Variants in ARPC4 observed in about 807,000 individuals in gnomAD.
The protein encoded by ARPC4 is actin-related protein 2/3 complex subunit 4.
Under a neutral mutation model 22.8 loss-of-function variants are expected in ARPC4, and 3 were observed. The observed-to-expected ratio is 0.13, with a 90% CI of 0.06 to 0.34. The LOEUF is 0.34. Among genes scored for constraint, ARPC4 ranks in the 10% least tolerant of loss-of-function variants. ARPC4 has a pLI of 1.00. For synonymous variants in ARPC4, 80 were observed against 72.5 expected (o/e 1.10, Z -0.52); for missense variants, 98 against 211.0 (o/e 0.46, Z 3.32).
chr3:9,806,369 G>C lies in ARPC4; in HGVS notation c.*154G>C, dbSNP rs2079107135. The C allele has an allele frequency of 1.1e-6, 1 of 886,936 alleles. No individual in the cohort carries two copies. The highest frequency in any genetic ancestry group is 1.9e-6 in the Non-Finnish European group (1 of 536,550). 54.9% of individuals were successfully genotyped at this position (886,936 alleles called of 1,614,324 possible). A position where few individuals can be genotyped will look rare whatever the true frequency, so the allele number is the denominator to read the frequency against. On this transcript the variant is annotated 3_prime_UTR_variant, in exon 6 of 6. Coordinates refer to ENST00000397261, the MANE Select transcript of ARPC4 (RefSeq NM_005718.5). ...AGGTGGGTGGTGTGCTTGCTAGCTG[G>C]GCAAGAAAGCAGCAGTGGACCTGCC...
chr3:9,806,101 T>C, intron 5 of ARPC4, 109 bp from the exon 6 acceptor site: 1 of 1,321,308 alleles, frequency 7.6e-7, no homozygotes, highest in Non-Finnish European at 1.1e-6. Context: ...ACTCTGCCCC[T>C]CACAGATATG....
intron 4 of ARPC4, chr3:9,803,518 T>A (rs1415066429): frequency 6.1e-6 from 3 of 492,604 alleles, no homozygotes; most frequent in Non-Finnish European, 1.2e-5. Context: ...GACTAAATGT[T>A]CCCTGTTGTT....
chr3:9,793,651 C>G lies in ARPC4; in HGVS notation c.3+527C>G, dbSNP rs73113571. On this transcript the variant is annotated intron_variant, in intron 1 of 5. Transcript: ENST00000397261. ...CGTGTTGCTTCCATTCAGGCCCTTC[C>G]TGGTCAGAACTGAACTGTGTCAGCC... Among the ~76,000 whole-genome samples the G allele has an allele frequency of 4.3e-3, 653 of 152,314 alleles. 4 individuals carry two copies. Among genetic ancestry groups the G allele is most frequent in the African/African-American group, 0.015 (620 of 41,570 alleles).
upstream of ARPC4, chr3:9,792,670 G>C: frequency 8.1e-7 from 1 of 1,232,906 alleles, no homozygotes; most frequent in Middle Eastern, 3.1e-4. Flanking sequence ...AGATCTCCGC[G>C]CTGCAGTTAG....
chr3:9,799,744 GTTTCAGATTTTGGA>G, intron 2 of ARPC4: 1 of 421,094 alleles, frequency 2.4e-6, no homozygotes, highest in Non-Finnish European at 4.8e-6. Flanking sequence ...TGCCCAGCCA[GTTTCAGATTTTGGA>G]TTTCAGATTT....
At chr3:9,792,968 A>C, upstream of ARPC4, 14 of 1,420,840 alleles carry the variant, frequency 9.9e-6, no homozygotes, top group Non-Finnish European at 1.3e-5. Flanking sequence ...CGGAAGGCCC[A>C]AGCGTTCGTA....
chr3:9,793,180 G>C, intron 1 of ARPC4, 56 bp downstream of exon 1: 1 of 1,522,280 alleles, frequency 6.6e-7, no homozygotes, highest in Non-Finnish European at 8.8e-7. Flanking sequence ...TCAGGGCAGT[G>C]GGTCGGTGGG....
chr3:9,796,610 T>G (rs528822968), intron 1 of ARPC4, among the ~76,000 whole-genome samples: 70 of 152,228 alleles, frequency 4.6e-4, no homozygotes, highest in African/African-American at 1.6e-3. Flanking sequence ...ATACAAGGAC[T>G]GACCAGTGCA....
chr3:9,796,690 C>T (rs1455910147), intron 1 of ARPC4, among the ~76,000 whole-genome samples: 2 of 152,124 alleles, frequency 1.3e-5, no homozygotes, highest in Non-Finnish European at 2.9e-5. Context: ...GCCTGTAAAC[C>T]CAGCACTTTG....
intron 1 of ARPC4, among the ~76,000 whole-genome samples, chr3:9,793,567 A>G (rs1481166624): frequency 6.6e-6 from 1 of 152,124 alleles, no homozygotes; most frequent in South Asian, 2.1e-4. Flanking sequence ...AGGCGGCCAC[A>G]CTTCCTTATC....
chr3:9,796,453 T>C (rs1007841519), intron 1 of ARPC4, among the ~76,000 whole-genome samples: 8 of 152,098 alleles, frequency 5.3e-5, no homozygotes, highest in Admixed American at 2.0e-4. Flanking sequence ...ATAAATACTT[T>C]ATAGGGGGAT....
intron 3 of ARPC4, among the ~76,000 whole-genome samples, chr3:9,801,135 C>T (rs1490954288): frequency 2.2e-5 from 3 of 133,358 alleles, no homozygotes; most frequent in East Asian, 2.5e-4. Flanking sequence ...CGCTTGAACC[C>T]GGGAGGCAGA....
At chr3:9,800,043 C>T (rs1364160113) in intron 2 of ARPC4, 142 bp from the exon 3 acceptor site, 7 of 787,736 alleles carry the variant, frequency 8.9e-6, no homozygotes, top group East Asian at 2.7e-5. Context: ...CACTCACTGG[C>T]CCCCATCTTG....
chr3:9,792,691 C>A (rs1438628903), upstream of ARPC4: 5 of 1,233,196 alleles, frequency 4.1e-6, no homozygotes, highest in Non-Finnish European at 5.1e-6. Flanking sequence ...CCCCGCCGAG[C>A]GCCAGGAGCT....
rs1372178305 is a variant in ARPC4 at position 9,797,653 on chromosome 3, C to T, written c.4-6C>T. 3 of 1,612,926 alleles carry T rather than the reference C, an allele frequency of 1.9e-6. No homozygotes were observed. The highest frequency in any genetic ancestry group is 2.5e-6 in the Non-Finnish European group (3 of 1,179,252). On this transcript the variant is annotated splice_polypyrimidine_tract_variant and splice_region_variant and intron_variant, in intron 1 of 5. Coordinates refer to ENST00000397261, the MANE Select transcript of ARPC4 (RefSeq NM_005718.5). ...TCTTCCCTTTCCTCTGTGTTATTTCCTATAGACTGCCACTCTCCGCCCCTA... is the reference window on the plus strand; with the variant it reads ...TCTTCCCTTTCCTCTGTGTTATTTCTTATAGACTGCCACTCTCCGCCCCTA...
intron 1 of ARPC4, among the ~76,000 whole-genome samples, chr3:9,794,470 G>T (rs2078836308): frequency 6.6e-6 from 1 of 152,094 alleles, no homozygotes; most frequent in South Asian, 2.1e-4. Context: ...CTGCACACCA[G>T]ACTGGGCAAC....
intron 2 of ARPC4, chr3:9,798,120 CTTTTTTTTTT>C (rs397964258): frequency 8.6e-6 from 1 of 115,630 alleles, no homozygotes; most frequent in African/African-American, 3.4e-5. Context: ...CCATACTTTT[CTTTTTTTTTT>C]TTTTTTTTCC....
chr3:9,800,034 A>T (rs1239004513), intron 2 of ARPC4, 151 bp from the exon 3 acceptor site: 2 of 752,774 alleles, frequency 2.7e-6, no homozygotes, highest in Non-Finnish European at 4.5e-6. Flanking sequence ...TGAAGAACAC[A>T]CTCACTGGCC....
chr3:9,804,514 TTA>T (rs1487641468), intron 5 of ARPC4, among the ~76,000 whole-genome samples: 1 of 152,238 alleles, frequency 6.6e-6, no homozygotes, highest in Non-Finnish European at 1.5e-5. Flanking sequence ...CTTACGTTGT[TTA>T]TGTCTTTCTA....
Sources: allele counts gnomAD v4.1 joint callset (sites outside exome capture counted in the v4.1 genomes callset), GRCh38; gene constraint gnomAD v4.1.1; transcripts MANE v1.5; gene names NCBI Gene and HGNC (gene_info 2026-07-23, HGNC 2026-07-21).